Variants in CACNA1I observed in about 807,000 individuals in gnomAD.
CACNA1I encodes voltage-dependent T-type calcium channel subunit alpha-1I.
Under a neutral mutation model 201.6 loss-of-function variants are expected in CACNA1I, and 74 were observed. That is an observed-to-expected ratio of 0.37 (90% CI 0.30 to 0.45). CACNA1I has a LOEUF of 0.45. Ranked by LOEUF, CACNA1I falls within the 20% of genes least tolerant of loss-of-function variation. CACNA1I has a pLI of 1.00. For missense variants in CACNA1I, 2,346 were observed against 3,138.1 expected, an observed-to-expected ratio of 0.75 and a Z score of 6.03; for synonymous variants, 1,431 against 1,345.2, an observed-to-expected ratio of 1.06 and a Z score of -1.40.
intron 1 of CACNA1I, among the ~76,000 whole-genome samples, chr22:39,591,166 T>C (rs1258031092): frequency 4.0e-5 from 6 of 150,780 alleles, no homozygotes; most frequent in Non-Finnish European, 8.9e-5. Context: ...TTCTTTTTTT[T>C]TTTTTTTTCT....
chr22:39,600,476 G>A (rs774131358), intron 2 of CACNA1I, 44 bp from the exon 3 acceptor site: 6 of 1,572,402 alleles, frequency 3.8e-6, no homozygotes, highest in Admixed American at 1.7e-5. Flanking sequence ...GCCCTGCTCT[G>A]CAACCTCACC....
chr22:39,662,397 C>T lies in CACNA1I; in HGVS notation c.3334C>T (p.Arg1112Cys), dbSNP rs1164566363. ...AGACGTCTTCACCAAGATGGGCGAC[C>T]GCGGGGATCGCGGGGAGGATGAGGA... ...AKDVFTKMGDRGDRGEDEEEI... is the reference protein window; with the variant it reads ...AKDVFTKMGDCGDRGEDEEEI... The change falls in exon 17 of 37, where the codon CGC (arginine) becomes TGC (cysteine). Residue 1112 changes from arginine (R) to cysteine (C), a missense_variant. Physicochemically the swap from Arg to Cys is radical, Grantham distance 180. Coordinates refer to ENST00000402142, the MANE Select transcript of CACNA1I (RefSeq NM_021096.4). The T allele has an allele frequency of 8.9e-6, 13 of 1,461,998 alleles. No homozygotes were observed. The highest frequency in any genetic ancestry group is 1.5e-5 in the African/African-American group (1 of 67,236). The allele number at this position is 1,461,998 out of a possible 1,614,324, so 90.6% of individuals were successfully genotyped here. A position where few individuals can be genotyped will look rare whatever the true frequency, so the allele number is the denominator to read the frequency against.
In CACNA1I at chr22:39,685,292, G is replaced by A. The variant is rs1935824400; in HGVS notation, c.6028-469G>A. 6.4e-6 allele frequency: 1 copy of A among 155,706 alleles called. No homozygotes were observed. Among genetic ancestry groups the A allele is most frequent in the Non-Finnish European group, 1.4e-5 (1 of 71,282 alleles). The allele number at this position is 155,706 out of a possible 1,614,324, so 9.6% of individuals were successfully genotyped here. On this transcript the variant is annotated intron_variant, in intron 36 of 36. Transcript: ENST00000402142. This position sits in a 1 kb window ranked among gnomAD's most constrained non-coding sequence, Gnocchi z 5.0. ...GGAGGGGCTGCAGGTGGGGGGCCCC[G>A]GGGTTGGGAGGTGGGGGGCTCTGGG...
At chr22:39,623,766 C>T (rs1452944396) in intron 4 of CACNA1I, among the ~76,000 whole-genome samples, 1 of 141,822 alleles carries the variant, frequency 7.1e-6, no homozygotes, top group Non-Finnish European at 1.5e-5. Flanking sequence ...GTCTATGAGC[C>T]TATGTGTGCC....
intron 18 of CACNA1I, among the ~76,000 whole-genome samples, chr22:39,663,153 G>A (rs1836429692): frequency 6.6e-6 from 1 of 152,234 alleles, no homozygotes; most frequent in South Asian, 2.1e-4. Flanking sequence ...GGGGCTAGGC[G>A]AGGACTTTAG....
chr22:39,662,507 C>A, intron 17 of CACNA1I, 72 bp downstream of exon 17: 2 of 1,197,204 alleles, frequency 1.7e-6, no homozygotes, highest in Non-Finnish European at 1.1e-6. Context: ...CCCCAGGAGG[C>A]GGGGCCCGAG....
chr22:39,679,350 G>A lies in CACNA1I; in HGVS notation c.5299G>A (p.Gly1767Ser), dbSNP rs780593959. 1.9e-5 allele frequency: 30 copies of A among 1,540,328 alleles called. No homozygotes were observed. Among genetic ancestry groups the A allele is most frequent in the African/African-American group, 4.2e-5 (3 of 72,256 alleles). ...GLGPGPRLPT[G>S]SPGAPGRGPG... Reference sequence around the variant, plus strand: ...GGGCCCTGGCCCGAGGCTGCCTACCGGCTCCCCGGGCGCCCCTGGCCGAGG... The same window carrying A: ...GGGCCCTGGCCCGAGGCTGCCTACCAGCTCCCCGGGCGCCCCTGGCCGAGG... The change falls in exon 32 of 37, where the codon GGC becomes AGC. Residue 1767 changes from glycine to serine, a missense_variant. By Grantham distance (56) the Gly-to-Ser change is moderately conservative. Around this residue, in one of 13 missense-constraint regions of CACNA1I, gnomAD observed 441 missense variants for 555.6 expected, o/e 0.79. Transcript: ENST00000402142.
chr22:39,604,041 A>G (rs548108427), intron 3 of CACNA1I, among the ~76,000 whole-genome samples: 3 of 152,314 alleles, frequency 2.0e-5, no homozygotes, highest in East Asian at 3.9e-4. Context: ...GGCCTGTTAA[A>G]TTATGCTTCA....
intron 3 of CACNA1I, among the ~76,000 whole-genome samples, chr22:39,613,696 C>T (rs534705316): frequency 6.6e-6 from 1 of 152,330 alleles, no homozygotes; most frequent in South Asian, 2.1e-4. Flanking sequence ...TGCCTTCCAC[C>T]TACCTGGTCA....
rs749905520 is a variant in CACNA1I at position 39,682,486 on chromosome 22, T to C, written c.5665-10T>C. 1.2e-6 allele frequency: 2 copies of C among 1,612,420 alleles called. No individual in the cohort carries two copies. The highest frequency in any genetic ancestry group is 8.5e-7 in the Non-Finnish European group (1 of 1,179,014). On this transcript the variant is annotated splice_polypyrimidine_tract_variant and intron_variant, in intron 34 of 36. Transcript: ENST00000402142. The stretch of plus-strand genomic sequence containing the variant: ...CAGTCCTGCCCCATCCTACCTCCCT[T>C]TCCTTGCAGGGTGAGCTGGACCCAC...
intron 1 of CACNA1I, among the ~76,000 whole-genome samples, chr22:39,588,887 C>T (rs1168347928): frequency 1.3e-5 from 2 of 152,200 alleles, no homozygotes; most frequent in East Asian, 3.8e-4. Context: ...TGCTCTGCTG[C>T]GTCTGGCTTC....
At chr22:39,606,410 A>G (rs1933221428) in intron 3 of CACNA1I, among the ~76,000 whole-genome samples, 2 of 152,132 alleles carry the variant, frequency 1.3e-5, no homozygotes, top group Non-Finnish European at 2.9e-5. Context: ...CGCTCATTCC[A>G]TGCACTTCCT....
chr22:39,589,355 A>G (rs1932796155), intron 1 of CACNA1I, among the ~76,000 whole-genome samples: 1 of 152,130 alleles, frequency 6.6e-6, no homozygotes, highest in South Asian at 2.1e-4. Context: ...GCGTGGGCAT[A>G]TGTTTGGTTT....
At chr22:39,682,345 A>G in intron 34 of CACNA1I, 151 bp from the exon 35 acceptor site, 1 of 609,232 alleles carries the variant, frequency 1.6e-6, no homozygotes, top group Non-Finnish European at 2.8e-6. Context: ...GGGATTTTGG[A>G]AGATGGTCAG....
chr22:39,643,874 G>A (rs965167046), intron 7 of CACNA1I, among the ~76,000 whole-genome samples: 1 of 152,246 alleles, frequency 6.6e-6, no homozygotes, highest in Non-Finnish European at 1.5e-5. Flanking sequence ...ACTGCACCAG[G>A]CCCTGAGCCA....
At chr22:39,658,551 A>G (rs1483167851) in intron 11 of CACNA1I, among the ~76,000 whole-genome samples, 1 of 152,254 alleles carries the variant, frequency 6.6e-6, no homozygotes, top group Non-Finnish European at 1.5e-5. Context: ...TTGGGAAACA[A>G]CTGCATCGGC....
intron 1 of CACNA1I, among the ~76,000 whole-genome samples, chr22:39,576,232 C>T (rs891416277): frequency 6.6e-6 from 1 of 152,224 alleles, no homozygotes; most frequent in African/African-American, 2.4e-5. Flanking sequence ...AAGCACCCAG[C>T]GGTGTGTCCA....
intron 3 of CACNA1I, among the ~76,000 whole-genome samples, chr22:39,607,457 G>A (rs1445301383): frequency 6.6e-6 from 1 of 152,222 alleles, no homozygotes; most frequent in Non-Finnish European, 1.5e-5. Context: ...CAAACGCCCA[G>A]GTGGCCCTGA....
chr22:39,577,444 G>A (rs1932394532), intron 1 of CACNA1I, among the ~76,000 whole-genome samples: 1 of 152,236 alleles, frequency 6.6e-6, no homozygotes, highest in African/African-American at 2.4e-5. Flanking sequence ...AGAGGCCAGG[G>A]CGCCCGGTCT....
Sources: gnomAD v4.1 joint callset for allele counts (sites outside exome capture counted in the v4.1 genomes callset) on GRCh38, gnomAD v4.1.1 for gene constraint, gnomAD v4.1.1 regional missense constraint, Gnocchi (gnomAD v3.1) non-coding constraint, MANE v1.5 for transcripts, NCBI Gene and HGNC (gene_info 2026-07-23, HGNC 2026-07-21) for gene names.